NUP133: variants seen among roughly 807,000 people sequenced by gnomAD.
The protein encoded by NUP133 is nucleoporin 133, also known as nuclear pore complex protein Nup133.
Under a neutral mutation model 146.2 loss-of-function variants are expected in NUP133, and 66 were observed. The ratio of observed to expected loss-of-function variants is 0.45; its 90% CI spans 0.37 to 0.55. NUP133 has a LOEUF of 0.55. NUP133 is among the 20% of genes least tolerant of loss of function. The pLI, the probability that NUP133 is intolerant of heterozygous loss-of-function variation, is 0.00. For missense variants in NUP133, 1,277 were observed against 1,374.8 expected, an observed-to-expected ratio of 0.93 and a Z score of 1.12; for synonymous variants, 521 against 498.8, an observed-to-expected ratio of 1.04 and a Z score of -0.59.
chr1:229,483,846 T>C (rs1422884682), intron 12 of NUP133, among the ~76,000 whole-genome samples: 3 of 152,096 alleles, frequency 2.0e-5, no homozygotes, highest in Non-Finnish European at 2.9e-5. Flanking sequence ...TTAGAGCCCA[T>C]GTTTTTTCCC....
intron 15 of NUP133, among the ~76,000 whole-genome samples, chr1:229,470,287 C>CAA (rs33912287): frequency 1.8e-3 from 194 of 110,306 alleles, no homozygotes; most frequent in Middle Eastern, 0.011. Context: ...GACTCCATCT[C>CAA]AAAAAAAAAA....
intron 13 of NUP133, among the ~76,000 whole-genome samples, chr1:229,476,066 G>A (rs907710154): frequency 6.6e-6 from 1 of 151,080 alleles, no homozygotes; most frequent in Non-Finnish European, 1.5e-5. Context: ...CCGAGATTGC[G>A]CCACTGCATT....
chr1:229,466,836 T>TG, intron 15 of NUP133, 80 bp from the exon 16 acceptor site: 1 of 1,390,372 alleles, frequency 7.2e-7, no homozygotes, highest in Non-Finnish European at 1.0e-6. Flanking sequence ...GTTTTACTCA[T>TG]TAAGCCATAT....
At chr1:229,505,159 T>A (rs940685591) in intron 2 of NUP133, among the ~76,000 whole-genome samples, 5 of 152,208 alleles carry the variant, frequency 3.3e-5, no homozygotes, top group African/African-American at 1.2e-4. Context: ...CCTGAGACTA[T>A]CCAGCTGTTT....
chr1:229,505,497 CT>C (rs1475520623), intron 2 of NUP133, among the ~76,000 whole-genome samples: 11 of 135,286 alleles, frequency 8.1e-5, no homozygotes, highest in African/African-American at 3.0e-4. Context: ...CCATTAAAGA[CT>C]TAATTTGATT....
intron 19 of NUP133, 93 bp downstream of exon 19, chr1:229,463,450 T>A: frequency 7.4e-7 from 1 of 1,345,220 alleles, no homozygotes; most frequent in South Asian, 1.4e-5. Flanking sequence ...CGTATCATAT[T>A]CCAAAAGCCC....
At chr1:229,469,934 G>A (rs1404647799) in intron 15 of NUP133, among the ~76,000 whole-genome samples, 1 of 152,234 alleles carries the variant, frequency 6.6e-6, no homozygotes, top group Non-Finnish European at 1.5e-5. Context: ...GCTGAGGCAG[G>A]AGAATTGCTT....
intron 15 of NUP133, among the ~76,000 whole-genome samples, chr1:229,470,044 A>G (rs1345192575): frequency 1.3e-5 from 2 of 152,130 alleles, no homozygotes; most frequent in South Asian, 4.1e-4. Flanking sequence ...CAGAAAAAAG[A>G]GTAGATCGAG....
At chr1:229,476,522 A>T (rs983098710) in intron 13 of NUP133, among the ~76,000 whole-genome samples, 3 of 152,190 alleles carry the variant, frequency 2.0e-5, no homozygotes, top group African/African-American at 7.2e-5. Flanking sequence ...GCAGCTAGAC[A>T]TGTCTTGTCC....
intron 21 of NUP133, among the ~76,000 whole-genome samples, chr1:229,456,366 C>G (rs1660559098): frequency 6.6e-6 from 1 of 152,160 alleles, no homozygotes; most frequent in Admixed American, 6.5e-5. Flanking sequence ...AGTTGGCATT[C>G]TCCTGTAAAG....
In NUP133 at chr1:229,464,690, G is replaced by C; in HGVS notation, c.2485C>G (p.Arg829Gly). The C allele has an allele frequency of 6.2e-7, 1 of 1,614,044 alleles. No individual in the cohort carries two copies. The highest frequency in any genetic ancestry group is 2.2e-5 in the East Asian group (1 of 44,890). The change falls in exon 18 of 26, where the codon CGG (arginine) becomes GGG (glycine). Residue 829 changes from arginine (R) to glycine (G), a missense_variant. This residue lies in a region of NUP133 where 952 missense variants were observed against 1,047.0 expected (regional missense o/e 0.91). Coordinates refer to ENST00000261396, the MANE Select transcript of NUP133 (RefSeq NM_018230.3). ...QLKSVDKSSNRERYDNLEMEY... is the reference protein window; with the variant it reads ...QLKSVDKSSNGERYDNLEMEY... ...ATCTCCAGATTGTCATATCTTTCCC[G>C]ATTACTGGATTTATCCACAGACTTA...
Position 229,494,137 on chromosome 1 carries a change from A to T in NUP133, c.1046+1358T>A, listed in dbSNP as rs535654379. On this transcript the variant is annotated intron_variant, in intron 8 of 25. Coordinates refer to ENST00000261396, the MANE Select transcript of NUP133 (RefSeq NM_018230.3). Reference sequence around the variant, plus strand: ...AGAGTGAGACTCAGTCTCAAAAAAAAATAAAAAGAAAAAAGAAAAATGTCT... The same window carrying T: ...AGAGTGAGACTCAGTCTCAAAAAAATATAAAAAGAAAAAAGAAAAATGTCT... Among the ~76,000 whole-genome samples, 7 of 152,292 alleles carry T rather than the reference A, an allele frequency of 4.6e-5. No individual in the cohort carries two copies. The East Asian group carries it at 1.2e-3, about 25-fold the overall frequency.
intron 23 of NUP133, among the ~76,000 whole-genome samples, chr1:229,449,683 G>T (rs972051907): frequency 1.4e-4 from 21 of 151,014 alleles, no homozygotes; most frequent in East Asian, 1.9e-4. Context: ...AGAGGGGTAA[G>T]ATTTTAAAAT....
In NUP133 at chr1:229,499,824, A is replaced by T; in HGVS notation, c.514-6T>A. 4 of 1,612,058 alleles carry T rather than the reference A, an allele frequency of 2.5e-6. No homozygotes were observed. Among genetic ancestry groups the T allele is most frequent in the Non-Finnish European group, 3.4e-6 (4 of 1,178,808 alleles). ...GCAACCATGACAGCAACAGCCTCAA[A>T]ACAAGATCACAACAATCAGCAATCA... is the stretch of plus-strand genomic sequence containing the variant. On this transcript the variant is annotated splice_polypyrimidine_tract_variant and splice_region_variant and intron_variant, in intron 4 of 25. Transcript: ENST00000261396.
At chr1:229,470,934 C>T in intron 14 of NUP133, 130 bp from the exon 15 acceptor site, 2 of 711,062 alleles carry the variant, frequency 2.8e-6, no homozygotes, top group Non-Finnish European at 4.8e-6. Context: ...GTCCCTCCAG[C>T]TGTCTCTTGT....
rs191429348 is a variant in NUP133, at chr1:229,496,969, T to C, written c.820-922A>G. ...GTGTTTGAATGCATTTGGCAGAATG[T>C]ATGTAGTTAGTCATGAAGAGGAGTG... On this transcript the variant is annotated intron_variant, in intron 6 of 25. Coordinates refer to ENST00000261396, the MANE Select transcript of NUP133 (RefSeq NM_018230.3). 1.3e-3 allele frequency among the ~76,000 whole-genome samples: 203 copies of C among 152,366 alleles called. 2 individuals are homozygous for C. Among genetic ancestry groups the C allele is most frequent in the African/African-American group, 4.7e-3 (194 of 41,582 alleles).
chr1:229,495,544 C>G lies in NUP133; in HGVS notation c.997G>C (p.Ala333Pro). The change falls in exon 8 of 26, where the codon GCT (alanine) becomes CCT (proline). Residue 333 changes from alanine to proline, a missense_variant. Ala to Pro is a conservative substitution (Grantham distance 27). Transcript: ENST00000261396. ...AIWGSESNYE[A>P]IKEGVNIRYL... ...CGAATGTTGACTCCTTCTTTAATAG[C>G]TTCATAGTTACTTTCAGATCCCTAC... is the stretch of plus-strand genomic sequence containing the variant. The G allele has an allele frequency of 6.2e-7, 1 of 1,610,144 alleles. No homozygotes were observed. Among genetic ancestry groups the G allele is most frequent in the Non-Finnish European group, 8.5e-7 (1 of 1,176,956 alleles).
chr1:229,445,977 T>A (rs1338132472), intron 24 of NUP133, among the ~76,000 whole-genome samples: 1 of 152,246 alleles, frequency 6.6e-6, no homozygotes. Context: ...AGTCAATTCA[T>A]GCTTTGTTTA....
At chr1:229,480,756 G>A (rs548646781) in intron 12 of NUP133, among the ~76,000 whole-genome samples, 1 of 152,128 alleles carries the variant, frequency 6.6e-6, no homozygotes, top group South Asian at 2.1e-4. Context: ...ACGGGATCTC[G>A]GCTCACTACA....
Sources: allele counts gnomAD v4.1 joint callset (sites outside exome capture counted in the v4.1 genomes callset), GRCh38; gene constraint gnomAD v4.1.1; regional missense constraint gnomAD v4.1.1; transcripts MANE v1.5; gene names NCBI Gene and HGNC (gene_info 2026-07-23, HGNC 2026-07-21).